Variants in DPYD observed in about 807,000 individuals in gnomAD.
DPYD encodes dihydropyrimidine dehydrogenase [NADP(+)].
Under a neutral mutation model 116.2 loss-of-function variants are expected in DPYD, and 109 were observed. The ratio of observed to expected loss-of-function variants is 0.94; its 90% CI spans 0.80 to 1.10. The LOEUF is 1.10. DPYD is among the 50% of genes least tolerant of loss of function. DPYD has a pLI of 0.00. For synonymous variants in DPYD, 440 were observed against 432.0 expected (o/e 1.02, Z -0.23); for missense variants, 1,302 against 1,254.5 (o/e 1.04, Z -0.57).
intron 20 of DPYD, among the ~76,000 whole-genome samples, chr1:97,167,809 T>A (rs1222273372): frequency 6.6e-6 from 1 of 152,168 alleles, no homozygotes; most frequent in Non-Finnish European, 1.5e-5. Context: ...TTTTGTCTGA[T>A]AGCATAAAGG....
In DPYD at chr1:97,593,393, T is replaced by C. The variant is rs1440387984; in HGVS notation, c.959-6A>G. On this transcript the variant is annotated splice_region_variant and splice_polypyrimidine_tract_variant and intron_variant, in intron 9 of 22. Coordinates refer to ENST00000370192, the MANE Select transcript of DPYD (RefSeq NM_000110.4). ...AGAGTGACAGGCGCACATTCCTGAA[T>C]GATGAAAGGAAAACCCCATTTTCAA... The C allele has an allele frequency of 3.1e-6, 5 of 1,613,920 alleles. No individual in the cohort carries two copies. The Middle Eastern group carries it at 8.3e-4, about 266-fold the overall frequency.
At chr1:97,177,389 A>C (rs1657358090) in intron 20 of DPYD, among the ~76,000 whole-genome samples, 1 of 152,170 alleles carries the variant, frequency 6.6e-6, no homozygotes, top group Non-Finnish European at 1.5e-5. Flanking sequence ...AGTAGTAAAT[A>C]ACTCAACTTT....
intron 12 of DPYD, chr1:97,545,707 C>A: frequency 1.0e-6 from 1 of 994,954 alleles, no homozygotes. Flanking sequence ...AAACTGCCAA[C>A]TAATAGTAAT....
At chr1:97,520,766 G>T (rs577478585) in intron 12 of DPYD, among the ~76,000 whole-genome samples, 1 of 152,174 alleles carries the variant, frequency 6.6e-6, no homozygotes, top group South Asian at 2.1e-4. Context: ...GAGAATGGTG[G>T]TTTCCAGCTT....
chr1:97,147,111 A>G (rs537870429), intron 20 of DPYD, among the ~76,000 whole-genome samples: 24 of 152,300 alleles, frequency 1.6e-4, no homozygotes, highest in Admixed American at 1.4e-3. Context: ...GCACTTTGGG[A>G]GGCCGAGGCC....
chr1:97,292,721 AG>A (rs1666288023), intron 18 of DPYD, among the ~76,000 whole-genome samples: 1 of 73,764 alleles, frequency 1.4e-5, no homozygotes, highest in African/African-American at 4.4e-5. Context: ...CACACGCGCG[AG>A]CACACACACA....
chr1:97,134,005 AAAAAAAAAAATATATATATATATATAT>A (rs1653541414), intron 20 of DPYD, among the ~76,000 whole-genome samples: 1 of 34,008 alleles, frequency 2.9e-5, no homozygotes, highest in Non-Finnish European at 4.7e-5. Flanking sequence ...TTTCAAAAAA[AAAAAAAAAAATATATATATATATATAT>A]ATATATATAT....
intron 2 of DPYD, among the ~76,000 whole-genome samples, chr1:97,873,106 C>T (rs1017809104): frequency 1.1e-4 from 16 of 151,964 alleles, no homozygotes; most frequent in Admixed American, 1.1e-3. Context: ...GAAACTTGAT[C>T]GTGAAATGAG....
intron 13 of DPYD, among the ~76,000 whole-genome samples, chr1:97,477,396 CAT>C (rs1459836628): frequency 1.3e-5 from 2 of 152,206 alleles, no homozygotes; most frequent in African/African-American, 4.8e-5. Context: ...CTATTTCTAA[CAT>C]ATCTTCAGTT....
At chr1:97,434,474 C>T (rs1175084657) in intron 14 of DPYD, among the ~76,000 whole-genome samples, 2 of 152,148 alleles carry the variant, frequency 1.3e-5, no homozygotes, top group East Asian at 3.9e-4. Flanking sequence ...GGTACAAATG[C>T]TATTCAGGCT....
At position 97,577,352 on chromosome 1, in the gene DPYD, T is replaced by A. The variant is rs72732333; in HGVS notation, c.1129-3382A>T. Reference sequence around the variant, plus strand: ...CCTGCTGGACTGGTCCTGCTGACCCTCCACCCTGCATGGACTGTGCAGACA... The same window carrying A: ...CCTGCTGGACTGGTCCTGCTGACCCACCACCCTGCATGGACTGTGCAGACA... On this transcript the variant is annotated intron_variant, in intron 10 of 22. Coordinates refer to ENST00000370192, the MANE Select transcript of DPYD (RefSeq NM_000110.4). Among the ~76,000 whole-genome samples, 698 of 152,282 alleles carry A rather than the reference T, an allele frequency of 4.6e-3. 10 individuals carry two copies. Among genetic ancestry groups the A allele is most frequent in the African/African-American group, 0.016 (653 of 41,562 alleles).
In DPYD at chr1:97,691,769, G is replaced by A. The variant is rs780025995; in HGVS notation, c.710C>T (p.Pro237Leu). Residue 237 changes from proline to leucine, a missense_variant, in exon 7 of 23, where the codon CCG becomes CTG. Pro to Leu is a moderately conservative substitution (Grantham distance 98, BLOSUM62 -3). Transcript: ENST00000370192. ...STSEIPQFRLPYDVVNFEIEL... is the reference protein window; with the variant it reads ...STSEIPQFRLLYDVVNFEIEL... Reference sequence around the variant, plus strand: ...AATCTCAAAATTCACTACATCATACGGCAGCCGGAACTGAGGAATTTCAGA... The same window carrying A: ...AATCTCAAAATTCACTACATCATACAGCAGCCGGAACTGAGGAATTTCAGA... The A allele has an allele frequency of 1.6e-5, 26 of 1,613,268 alleles. No individual in the cohort carries two copies. The highest frequency in any genetic ancestry group is 3.3e-4 in the Middle Eastern group (2 of 6,080).
intron 8 of DPYD, among the ~76,000 whole-genome samples, chr1:97,643,484 G>T (rs1658055776): frequency 6.6e-6 from 1 of 152,174 alleles, no homozygotes; most frequent in South Asian, 2.1e-4. Flanking sequence ...TACACTGTTG[G>T]TGGGAATGTA....
intron 19 of DPYD, among the ~76,000 whole-genome samples, chr1:97,206,641 T>C (rs1659624352): frequency 7.6e-5 from 1 of 13,126 alleles, no homozygotes; most frequent in Non-Finnish European, 1.2e-4. Context: ...GGAGATTTTA[T>C]ATATATATAT....
At chr1:97,462,815 C>T (rs1340813960) in intron 13 of DPYD, among the ~76,000 whole-genome samples, 1 of 152,134 alleles carries the variant, frequency 6.6e-6, no homozygotes, top group Admixed American at 6.5e-5. Context: ...GGTCTTTTCC[C>T]TGATCTAGGA....
At chr1:97,820,202 T>C (rs528977719) in intron 3 of DPYD, among the ~76,000 whole-genome samples, 5 of 152,250 alleles carry the variant, frequency 3.3e-5, no homozygotes, top group Non-Finnish European at 7.4e-5. Context: ...GTTCCAGTAG[T>C]AACACAACCC....
intron 18 of DPYD, chr1:97,280,206 A>C (rs1019067751): frequency 2.0e-5 from 3 of 149,730 alleles, no homozygotes; most frequent in African/African-American, 7.3e-5. Context: ...ACATTTCAGA[A>C]GTCTTTTTTT....
chr1:97,253,588 G>T (rs530295686), intron 18 of DPYD, among the ~76,000 whole-genome samples: 1 of 152,094 alleles, frequency 6.6e-6, no homozygotes, highest in Non-Finnish European at 1.5e-5. Flanking sequence ...CAATGTTTTT[G>T]TTCCATTCAT....
At chr1:97,722,903 C>A (rs991354468) in intron 4 of DPYD, among the ~76,000 whole-genome samples, 1 of 151,254 alleles carries the variant, frequency 6.6e-6, no homozygotes, top group Admixed American at 6.6e-5. Context: ...GAGACAGGAC[C>A]AAACGCCTGA....
Sources: allele counts gnomAD v4.1 joint callset (sites outside exome capture counted in the v4.1 genomes callset), GRCh38; gene constraint gnomAD v4.1.1; transcripts MANE v1.5; gene names NCBI Gene and HGNC (gene_info 2026-07-23, HGNC 2026-07-21).